ZBTB20: variants seen among roughly 807,000 people sequenced by gnomAD.
The protein encoded by ZBTB20 is zinc finger and BTB domain containing 20.
ZBTB20 carries 9 observed loss-of-function variants against 56.9 expected under a neutral mutation model. That is an observed-to-expected ratio of 0.16 (90% CI 0.10 to 0.28). The LOEUF (loss-of-function observed/expected upper bound fraction) is 0.28. Ranked by LOEUF, ZBTB20 falls within the 10% of genes least tolerant of loss-of-function variation. The pLI is 1.00. For missense variants in ZBTB20, 655 were observed against 1,003.0 expected, an observed-to-expected ratio of 0.65 and a Z score of 4.69; for synonymous variants, 417 against 420.7, an observed-to-expected ratio of 0.99 and a Z score of 0.11.
chr3:115,075,345 A>G (rs1489824952), intron 1 of ZBTB20, among the ~76,000 whole-genome samples: 1 of 152,114 alleles, frequency 6.6e-6, no homozygotes, highest in East Asian at 1.9e-4. Flanking sequence ...GAATTTAATT[A>G]TTTTAGATAC....
intron 4 of ZBTB20, among the ~76,000 whole-genome samples, chr3:114,848,022 G>T (rs181179668): frequency 1.3e-5 from 2 of 152,002 alleles, no homozygotes; most frequent in Non-Finnish European, 2.9e-5. Flanking sequence ...GGAAGAGAGA[G>T]AATTTGAAGA....
chr3:114,559,122 T>A (rs1464039930), intron 6 of ZBTB20, among the ~76,000 whole-genome samples: 2 of 152,200 alleles, frequency 1.3e-5, no homozygotes, highest in Non-Finnish European at 2.9e-5. Context: ...TGAGTTCTGA[T>A]CACTATTGTA....
chr3:115,128,852 C>T (rs1313732060), intron 1 of ZBTB20, among the ~76,000 whole-genome samples: 1 of 152,042 alleles, frequency 6.6e-6, no homozygotes, highest in Non-Finnish European at 1.5e-5. Flanking sequence ...GTAATCCCAG[C>T]ACTTTGGGAA....
chr3:114,339,033 T>C lies in ZBTB20; in HGVS notation c.2198A>G (p.His733Arg). Residue 733 changes from histidine to arginine, a missense_variant, in exon 12 of 12, where the codon CAC becomes CGC. His to Arg is a conservative substitution (Grantham distance 29, BLOSUM62 0). Coordinates refer to ENST00000675478, the MANE Select transcript of ZBTB20 (RefSeq NM_001348800.3). The surrounding 1 kb of genome is among the most constrained non-coding windows in gnomAD (Gnocchi z 4.2). Reference protein sequence around the residue: ...KFDQIEQFNDHMRMHVSDG With the variant: ...KFDQIEQFNDRMRMHVSDG ...TCCGTCAGACACATGCATCCTCATG[T>C]GGTCGTTGAACTGCTCGATTTGGTC... The C allele has an allele frequency of 6.6e-7, 1 of 1,523,574 alleles. No individual in the cohort carries two copies. The highest frequency in any genetic ancestry group is 8.8e-7 in the Non-Finnish European group (1 of 1,135,090). The allele number at this position is 1,523,574 out of a possible 1,614,324, so 94.4% of individuals were successfully genotyped here. A position where few individuals can be genotyped will look rare whatever the true frequency, so the allele number is the denominator to read the frequency against.
intron 1 of ZBTB20, among the ~76,000 whole-genome samples, chr3:115,140,574 T>G (rs905658146): frequency 5.3e-5 from 8 of 151,918 alleles, no homozygotes; most frequent in African/African-American, 1.9e-4. Flanking sequence ...GTAGGGGTCT[T>G]TGTTTTGTTT....
chr3:114,846,753 G>T (rs1579133988), intron 4 of ZBTB20, among the ~76,000 whole-genome samples: 1 of 152,250 alleles, frequency 6.6e-6, no homozygotes, highest in East Asian at 1.9e-4. Flanking sequence ...ATACTGCCTG[G>T]ATTTTTAAAA....
At chr3:114,941,410 C>A (rs1004228133) in intron 3 of ZBTB20, among the ~76,000 whole-genome samples, 1 of 146,256 alleles carries the variant, frequency 6.8e-6, no homozygotes, top group South Asian at 2.1e-4. Context: ...TTTTAAAATG[C>A]TTTCAAATCA....
intron 1 of ZBTB20, among the ~76,000 whole-genome samples, chr3:115,081,702 G>T (rs2108542353): frequency 6.6e-6 from 1 of 152,170 alleles, no homozygotes; most frequent in East Asian, 1.9e-4. Flanking sequence ...TGACTGCATT[G>T]CCTTCAAATC....
intron 4 of ZBTB20, among the ~76,000 whole-genome samples, chr3:114,872,279 G>A (rs2076043189): frequency 1.3e-5 from 2 of 152,074 alleles, no homozygotes; most frequent in South Asian, 4.1e-4. Context: ...TTGTACTCAA[G>A]AGGTTTCCAG....
chr3:114,744,643 G>A (rs1433893796), intron 5 of ZBTB20, among the ~76,000 whole-genome samples: 2 of 152,054 alleles, frequency 1.3e-5, no homozygotes, highest in Admixed American at 6.6e-5. Context: ...ATAATAAGAG[G>A]AAATAACATA....
At chr3:114,841,661 T>G (rs975636941) in intron 4 of ZBTB20, among the ~76,000 whole-genome samples, 4 of 152,182 alleles carry the variant, frequency 2.6e-5, no homozygotes, top group African/African-American at 9.7e-5. Context: ...AAGTTTCTAA[T>G]GTCGGCAATT....
chr3:114,676,524 T>C (rs2061636149), intron 6 of ZBTB20, among the ~76,000 whole-genome samples: 1 of 152,178 alleles, frequency 6.6e-6, no homozygotes, highest in Admixed American at 6.6e-5. Flanking sequence ...AAATTGTGAA[T>C]ATGAATCTTT....
intron 5 of ZBTB20, among the ~76,000 whole-genome samples, chr3:114,728,597 C>T (rs541775657): frequency 4.6e-5 from 7 of 152,198 alleles, no homozygotes; most frequent in South Asian, 4.1e-4. Context: ...TTGTAACCAT[C>T]GTCTAGTTAC....
chr3:114,723,697 A>C (rs904104499), intron 5 of ZBTB20, among the ~76,000 whole-genome samples: 1 of 152,198 alleles, frequency 6.6e-6, no homozygotes, highest in Non-Finnish European at 1.5e-5. Context: ...AGAGTTGAGG[A>C]CCAGAGTCAG....
At chr3:114,880,838 T>C (rs1173227735) in intron 4 of ZBTB20, among the ~76,000 whole-genome samples, 4 of 152,164 alleles carry the variant, frequency 2.6e-5, no homozygotes, top group Admixed American at 2.0e-4. Context: ...CATAATCCTA[T>C]GTTGTTGCAT....
Position 114,351,295 on chromosome 3 carries a change from A to G in ZBTB20, c.783T>C (p.Phe261=). 3.7e-6 allele frequency: 6 copies of G among 1,604,216 alleles called. No homozygotes were observed. The highest frequency in any genetic ancestry group is 5.1e-6 in the Non-Finnish European group (6 of 1,178,910). The change falls in exon 11 of 12, where the codon TTT becomes TTC. Residue 261 remains phenylalanine, a synonymous_variant. Coordinates refer to ENST00000675478, the MANE Select transcript of ZBTB20 (RefSeq NM_001348800.3). ...GGTGGCTGACCACTGCGCCGCTGTA[A>G]AAAGAGCGCTCGCCGCTGCCATTCT... is the stretch of plus-strand genomic sequence containing the variant. ...SMQNGSGERS[F]YSGAVVSHHE... is the part of the protein sequence containing the mutation.
intron 2 of ZBTB20, among the ~76,000 whole-genome samples, chr3:115,003,371 A>G (rs1297357457): frequency 1.3e-5 from 2 of 151,650 alleles, no homozygotes; most frequent in African/African-American, 4.8e-5. Context: ...GGGGAGGAGA[A>G]GGGTGAATGG....
chr3:114,889,361 A>G (rs997236259), intron 4 of ZBTB20, among the ~76,000 whole-genome samples: 2 of 151,912 alleles, frequency 1.3e-5, no homozygotes, highest in African/African-American at 4.8e-5. Context: ...ATTAATTACT[A>G]TTAGTAATTA....
In ZBTB20 at chr3:114,353,041, C is replaced by T. The variant is rs75261083; in HGVS notation, c.200-1163G>A. Among the ~76,000 whole-genome samples the T allele has an allele frequency of 1.6e-3, 250 of 152,290 alleles. 5 individuals are homozygous for T. In the East Asian group the frequency reaches 0.043, roughly 26 times the overall value. ...TCAGAATGAGAAAGAAAACAGGTGG[C>T]TACAGCAGTAGATCTTAGGGCTTTT... On this transcript the variant is annotated intron_variant, in intron 10 of 11. Coordinates refer to ENST00000675478, the MANE Select transcript of ZBTB20 (RefSeq NM_001348800.3).
Sources: allele counts gnomAD v4.1 joint callset (sites outside exome capture counted in the v4.1 genomes callset), GRCh38; gene constraint gnomAD v4.1.1; non-coding constraint Gnocchi (gnomAD v3.1); transcripts MANE v1.5; gene names NCBI Gene and HGNC (gene_info 2026-07-23, HGNC 2026-07-21).